The following ITGA4 variants were observed in gnomAD, a reference collection of about 807,000 sequenced individuals.
ITGA4 encodes integrin subunit alpha 4.
A neutral mutation model predicts 133.6 loss-of-function variants in ITGA4; 63 were observed. The ratio of observed to expected loss-of-function variants is 0.47; its 90% CI spans 0.38 to 0.58. The LOEUF (loss-of-function observed/expected upper bound fraction) is 0.58. Among genes scored for constraint, ITGA4 ranks in the 20% least tolerant of loss-of-function variants. The pLI is 0.00. For missense variants in ITGA4, 1,076 were observed against 1,252.7 expected (o/e 0.86, Z 2.13); for synonymous variants, 483 against 438.0 (o/e 1.10, Z -1.28).
intron 2 of ITGA4, among the ~76,000 whole-genome samples, chr2:181,470,393 C>A (rs1018897207): frequency 2.0e-5 from 3 of 152,002 alleles, no homozygotes; most frequent in Non-Finnish European, 2.9e-5. Context: ...ATATTGGACA[C>A]CCCTGAGCTA....
At chr2:181,470,878 A>G (rs570453530) in intron 2 of ITGA4, among the ~76,000 whole-genome samples, 1 of 152,248 alleles carries the variant, frequency 6.6e-6, no homozygotes, top group South Asian at 2.1e-4. Flanking sequence ...CTATCTCCCT[A>G]AAAAATAAAA....
At chr2:181,508,247 G>A (rs1414367778) in intron 15 of ITGA4, among the ~76,000 whole-genome samples, 1 of 151,822 alleles carries the variant, frequency 6.6e-6, no homozygotes, top group Non-Finnish European at 1.5e-5. Flanking sequence ...ATATCAACAA[G>A]AATAGGAGTA....
Position 181,535,514 on chromosome 2 carries a change from G to T in ITGA4, c.3086G>T (p.Ser1029Ile). Residue 1029 changes from serine (S) to isoleucine (I), a missense_variant, in exon 28 of 28, where the codon AGC becomes ATC. Ser to Ile is a moderately radical substitution (Grantham distance 142). This residue lies in a region of ITGA4 where 193 missense variants were observed against 172.3 expected (regional missense o/e 1.12). Transcript: ENST00000397033. ...RDSWSYINSK[S>I]NDD ...AGTTGGAGTTATATCAACAGTAAAA[G>T]CAATGATGATTAAGGACTTCTTTCA... The T allele has an allele frequency of 6.2e-7, 1 of 1,608,214 alleles. No individual in the cohort carries two copies. The highest frequency in any genetic ancestry group is 8.5e-7 in the Non-Finnish European group (1 of 1,177,018).
At position 181,535,594 on chromosome 2, in the gene ITGA4, T is replaced by G; in HGVS notation, c.*67T>G. ...TGTAGTAAAGAAATTTAAAAGACAC[T>G]GTTTACAAGAAAAAATGAATTTTGT... On this transcript the variant is annotated 3_prime_UTR_variant, in exon 28 of 28. Coordinates refer to ENST00000397033, the MANE Select transcript of ITGA4 (RefSeq NM_000885.6). 6.6e-7 allele frequency: 1 copy of G among 1,510,970 alleles called. No homozygotes were observed. Among genetic ancestry groups the G allele is most frequent in the Non-Finnish European group, 8.8e-7 (1 of 1,131,002 alleles). 93.6% of individuals were successfully genotyped at this position (1,510,970 alleles called of 1,614,324 possible).
At chr2:181,473,405 A>G (rs542365274) in intron 2 of ITGA4, among the ~76,000 whole-genome samples, 9 of 152,208 alleles carry the variant, frequency 5.9e-5, no homozygotes, top group Non-Finnish European at 8.8e-5. Context: ...ACTACTGCCC[A>G]TGGAAAAAAT....
chr2:181,535,384 G>A, intron 27 of ITGA4, 48 bp from the exon 28 acceptor site: 4 of 1,386,432 alleles, frequency 2.9e-6, no homozygotes, highest in African/African-American at 1.4e-5. Context: ...TAGTAGATAA[G>A]AGAGTGTTCA....
At chr2:181,477,669 T>G (rs138263114) in intron 4 of ITGA4, among the ~76,000 whole-genome samples, 1 of 152,158 alleles carries the variant, frequency 6.6e-6, no homozygotes, top group African/African-American at 2.4e-5. Flanking sequence ...CTATTAGAAT[T>G]GTCATTATCA....
chr2:181,523,394 A>G lies in ITGA4; in HGVS notation c.2074-43A>G. On this transcript the variant is annotated intron_variant, in intron 18 of 27. Coordinates refer to ENST00000397033, the MANE Select transcript of ITGA4 (RefSeq NM_000885.6). The surrounding 1 kb of genome is among the most constrained non-coding windows in gnomAD (Gnocchi z 4.2). Reference sequence around the variant, plus strand: ...CTTAAACATATGTTACAAACTTTTTATTTCCTTCCTGTCCAAAACAGTTGT... The same window carrying G: ...CTTAAACATATGTTACAAACTTTTTGTTTCCTTCCTGTCCAAAACAGTTGT... 3 of 1,175,834 alleles carry G rather than the reference A, an allele frequency of 2.6e-6. No homozygotes were observed. The highest frequency in any genetic ancestry group is 3.8e-6 in the Non-Finnish European group (3 of 783,474). 72.8% of individuals were successfully genotyped at this position (1,175,834 alleles called of 1,614,324 possible). A position where few individuals can be genotyped will look rare whatever the true frequency, so the allele number is the denominator to read the frequency against.
At chr2:181,527,468 C>A in intron 22 of ITGA4, 81 bp downstream of exon 22, 1 of 921,884 alleles carries the variant, frequency 1.1e-6, no homozygotes, top group South Asian at 1.4e-5. Context: ...ACATTGTACA[C>A]CTATGACGTC....
At chr2:181,535,074 T>G in intron 27 of ITGA4, 139 bp downstream of exon 27, 3 of 907,388 alleles carry the variant, frequency 3.3e-6, no homozygotes, top group Non-Finnish European at 4.6e-6. Flanking sequence ...TGATCTCACA[T>G]TTCTCTTCAA....
intron 7 of ITGA4, 134 bp downstream of exon 7, chr2:181,481,817 T>C (rs2305590): frequency 0.17 from 65,360 of 386,192 alleles, 6,218 homozygotes; most frequent in Middle Eastern, 0.24. Context: ...TTACATTTAG[T>C]GGAATTGGTG....
intron 10 of ITGA4, among the ~76,000 whole-genome samples, chr2:181,492,137 G>T (rs1305368331): frequency 6.6e-6 from 1 of 152,182 alleles, no homozygotes; most frequent in African/African-American, 2.4e-5. Context: ...GCAATTGCCT[G>T]GAATATAGTA....
In ITGA4 at chr2:181,537,702, G is replaced by A. The variant is rs202012996; in HGVS notation, c.*2175G>A. On this transcript the variant is annotated 3_prime_UTR_variant, in exon 28 of 28. Transcript: ENST00000397033. ...GGTTAAATATTGATGTATTATGATG[G>A]TTGCAAAGTTTTTTTGTGTGTCCAA... 2 of 425,030 alleles carry A rather than the reference G, an allele frequency of 4.7e-6. No homozygotes were observed. Among genetic ancestry groups the A allele is most frequent in the African/African-American group, 2.1e-5 (1 of 47,348 alleles). The allele number at this position is 425,030 out of a possible 1,614,324, so 26.3% of individuals were successfully genotyped here.
intron 10 of ITGA4, among the ~76,000 whole-genome samples, chr2:181,488,331 C>T (rs1685966570): frequency 1.3e-5 from 2 of 152,172 alleles, no homozygotes; most frequent in African/African-American, 4.8e-5. Flanking sequence ...CTGGGCTTCA[C>T]ACAGCTCTTG....
At chr2:181,476,009 C>T (rs974952651) in intron 4 of ITGA4, 12 of 1,092,966 alleles carry the variant, frequency 1.1e-5, no homozygotes, top group Admixed American at 7.0e-5. Context: ...TCCCTCAGCA[C>T]GCAAAGAAAA....
intron 2 of ITGA4, among the ~76,000 whole-genome samples, chr2:181,470,919 C>A (rs1426405414): frequency 6.6e-6 from 1 of 152,036 alleles, no homozygotes; most frequent in Non-Finnish European, 1.5e-5. Context: ...TAAGAAAAAA[C>A]CCAGAACACT....
intron 15 of ITGA4, among the ~76,000 whole-genome samples, chr2:181,509,013 A>C (rs1227704734): frequency 6.6e-6 from 1 of 151,668 alleles, no homozygotes; most frequent in Non-Finnish European, 1.5e-5. Flanking sequence ...ATGGTGGTAC[A>C]CATCTGTAGT....
At position 181,493,322 on chromosome 2, in the gene ITGA4, T is replaced by C. The variant is rs1238193144; in HGVS notation, c.1154-3T>C. 1 of 1,590,976 alleles carries C rather than the reference T, an allele frequency of 6.3e-7. No individual in the cohort carries two copies. The highest frequency in any genetic ancestry group is 8.6e-7 in the Non-Finnish European group (1 of 1,163,260). On this transcript the variant is annotated splice_polypyrimidine_tract_variant and splice_region_variant and intron_variant, in intron 10 of 27. Coordinates refer to ENST00000397033, the MANE Select transcript of ITGA4 (RefSeq NM_000885.6). ...TTTTTCCATTGTTTAAATTATTGGA[T>C]AGATGTTGCTATCGGAGCTCCACAA...
intron 2 of ITGA4, 103 bp from the exon 3 acceptor site, chr2:181,474,857 G>A: frequency 1.4e-6 from 1 of 738,400 alleles, no homozygotes; most frequent in African/African-American, 1.8e-5. Context: ...ATATAAGATA[G>A]AGAAGTAGTT....
Sources: gnomAD v4.1 joint callset for allele counts (sites outside exome capture counted in the v4.1 genomes callset) on GRCh38, gnomAD v4.1.1 for gene constraint, gnomAD v4.1.1 regional missense constraint, Gnocchi (gnomAD v3.1) non-coding constraint, MANE v1.5 for transcripts, NCBI Gene and HGNC (gene_info 2026-07-23, HGNC 2026-07-21) for gene names.